Variants in DPP10 observed in about 807,000 individuals in gnomAD.
DPP10 encodes inactive dipeptidyl peptidase 10.
DPP10 carries 33 observed loss-of-function variants against 120.9 expected under a neutral mutation model. The observed-to-expected ratio is 0.27, with a 90% CI of 0.21 to 0.37. DPP10 has a LOEUF of 0.37. Among genes scored for constraint, DPP10 ranks in the 10% least tolerant of loss-of-function variants. DPP10 has a pLI of 1.00. For synonymous variants in DPP10, 337 were observed against 326.1 expected, an observed-to-expected ratio of 1.03 and a Z score of -0.36; for missense variants, 816 against 942.8, an observed-to-expected ratio of 0.87 and a Z score of 1.76.
chr2:114,622,476 A>G (rs568099303), intron 1 of DPP10, among the ~76,000 whole-genome samples: 2 of 150,168 alleles, frequency 1.3e-5, no homozygotes, highest in South Asian at 2.1e-4. Flanking sequence ...GTGCAGTAAT[A>G]TTTACAATTT....
At chr2:115,184,645 G>T (rs1248028998) in intron 1 of DPP10, among the ~76,000 whole-genome samples, 1 of 152,194 alleles carries the variant, frequency 6.6e-6, no homozygotes, top group Non-Finnish European at 1.5e-5. Flanking sequence ...GACGTTCTTG[G>T]ATATTAATAA....
intron 1 of DPP10, among the ~76,000 whole-genome samples, chr2:114,842,690 A>G (rs1688252780): frequency 6.6e-6 from 1 of 152,178 alleles, no homozygotes; most frequent in Non-Finnish European, 1.5e-5. Flanking sequence ...CACCAATGTT[A>G]TCATGTATTT....
In DPP10 at chr2:115,547,512, G is replaced by A. The variant is rs183542554; in HGVS notation, c.441+21540G>A. Among the ~76,000 whole-genome samples, 372 of 152,186 alleles carry A rather than the reference G, an allele frequency of 2.4e-3. 1 individual carries two copies. The highest frequency in any genetic ancestry group is 8.8e-3 in the African/African-American group (365 of 41,540). ...TTATAGGCCAGGCACAGTGGCTCAC[G>A]CCTGTAATCCCAGCACTTTGGGACA... On this transcript the variant is annotated intron_variant, in intron 5 of 25. Coordinates refer to ENST00000410059, the MANE Select transcript of DPP10 (RefSeq NM_020868.6).
intron 3 of DPP10, chr2:115,468,877 G>A: frequency 2.4e-6 from 1 of 415,038 alleles, no homozygotes. Context: ...ACAGAAGACT[G>A]GTCTTCAACT....
At chr2:115,228,647 A>C (rs370802350) in intron 1 of DPP10, among the ~76,000 whole-genome samples, 12 of 152,088 alleles carry the variant, frequency 7.9e-5, no homozygotes, top group African/African-American at 2.9e-4. Context: ...TCTGCACCAC[A>C]CTTATTCCAC....
At chr2:115,664,581 G>A (rs1355367507) in intron 5 of DPP10, among the ~76,000 whole-genome samples, 2 of 152,070 alleles carry the variant, frequency 1.3e-5, no homozygotes, top group East Asian at 1.9e-4. Context: ...TGTCAAGCAA[G>A]GAAATGCTTT....
At chr2:115,384,397 A>G (rs2066693256) in intron 3 of DPP10, among the ~76,000 whole-genome samples, 1 of 118,894 alleles carries the variant, frequency 8.4e-6, no homozygotes, top group African/African-American at 2.5e-5. Context: ...CAGAAGCAGA[A>G]GAAGGAGAAG....
chr2:115,410,516 G>T (rs2068867422), intron 3 of DPP10, among the ~76,000 whole-genome samples: 1 of 152,170 alleles, frequency 6.6e-6, no homozygotes, highest in Non-Finnish European at 1.5e-5. Context: ...ACACCTAATG[G>T]ATGTTGGGCT....
chr2:115,580,769 CT>C (rs1172118000), intron 5 of DPP10, among the ~76,000 whole-genome samples: 1 of 152,184 alleles, frequency 6.6e-6, no homozygotes, highest in Non-Finnish European at 1.5e-5. Context: ...CTAATATTTT[CT>C]TTCCCCCTTC....
chr2:115,320,053 T>A (rs1306734709), intron 2 of DPP10, among the ~76,000 whole-genome samples: 1 of 152,188 alleles, frequency 6.6e-6, no homozygotes, highest in Non-Finnish European at 1.5e-5. Flanking sequence ...CCATAGCATA[T>A]AATTTGTATC....
chr2:114,538,772 C>T (rs1686715616), intron 1 of DPP10, among the ~76,000 whole-genome samples: 1 of 152,212 alleles, frequency 6.6e-6, no homozygotes, highest in African/African-American at 2.4e-5. Context: ...TTCTTCTTGT[C>T]ACTGCCACCA....
rs1031667866 is a variant in DPP10 at position 115,618,171 on chromosome 2, G to T, written c.442-71516G>T. Among the ~76,000 whole-genome samples the T allele has an allele frequency of 3.3e-5, 5 of 152,298 alleles. No individual in the cohort carries two copies. The South Asian group carries it at 8.3e-4, about 25-fold the overall frequency. On this transcript the variant is annotated intron_variant, in intron 5 of 25. Transcript: ENST00000410059. The stretch of plus-strand genomic sequence containing the variant: ...AAGGATGGTCTCCTGATGAGTTAGG[G>T]TTGAGAAAACAAATCTGTAAAGAAA...
At chr2:114,761,508 G>C (rs1373717307) in intron 1 of DPP10, among the ~76,000 whole-genome samples, 1 of 152,080 alleles carries the variant, frequency 6.6e-6, no homozygotes, top group South Asian at 2.1e-4. Flanking sequence ...AGATAGATGG[G>C]TTTGCTAGCT....
chr2:115,191,392 T>A (rs569227784), intron 1 of DPP10, among the ~76,000 whole-genome samples: 1 of 152,258 alleles, frequency 6.6e-6, no homozygotes, highest in Admixed American at 6.5e-5. Flanking sequence ...TGAGGAAAGC[T>A]AGGAAGGATA....
chr2:115,712,543 A>ATATATATATATATATATATATATATATGT (rs56675119), intron 7 of DPP10, among the ~76,000 whole-genome samples: 6 of 64,276 alleles, frequency 9.3e-5, no homozygotes, highest in African/African-American at 3.3e-4. Flanking sequence ...TCCTGAATTA[A>ATATATATATATATATATATATATATATGT]ATATATATAT....
chr2:115,795,696 G>A (rs1366429146), intron 19 of DPP10, among the ~76,000 whole-genome samples: 1 of 152,106 alleles, frequency 6.6e-6, no homozygotes, highest in East Asian at 1.9e-4. Flanking sequence ...CATTCACAAT[G>A]AGGGAATATA....
intron 1 of DPP10, among the ~76,000 whole-genome samples, chr2:114,589,912 G>A (rs1024706580): frequency 2.0e-5 from 3 of 151,700 alleles, no homozygotes; most frequent in African/African-American, 4.8e-5. Context: ...AAGCCAGCAA[G>A]CATTTATCAA....
At position 114,942,302 on chromosome 2, in the gene DPP10, T is replaced by TATATATATATATATATATAC. The variant is rs1553458478; in HGVS notation, c.61-366935_61-366916dup. ...AAAAAAATGTGTATATATATACATA[T>TATATATATATATATATATAC]ATATATATATATATATATACACACA... On this transcript the variant is annotated intron_variant, in intron 1 of 25. Transcript: ENST00000410059. 2.5e-5 allele frequency among the ~76,000 whole-genome samples: 3 copies of TATATATATATATATATATAC among 121,522 alleles called. No homozygotes were observed. In the East Asian group the frequency reaches 7.9e-4, roughly 32 times the overall value. The allele number at this position is 121,522 out of a possible 152,430, so 79.7% of individuals were successfully genotyped here.
chr2:115,806,305 G>A (rs79525763), intron 19 of DPP10, among the ~76,000 whole-genome samples: 2,779 of 152,184 alleles, frequency 0.018, 88 homozygotes, highest in African/African-American at 0.061. Context: ...CAAAAAACTG[G>A]TGTTATTTGT....
Sources: allele counts gnomAD v4.1 joint callset (sites outside exome capture counted in the v4.1 genomes callset), GRCh38; gene constraint gnomAD v4.1.1; transcripts MANE v1.5; gene names NCBI Gene and HGNC (gene_info 2026-07-23, HGNC 2026-07-21).